The following CNNM2 variants were observed in gnomAD, a reference collection of about 807,000 sequenced individuals.
CNNM2 encodes metal transporter CNNM2.
A neutral mutation model predicts 66.9 loss-of-function variants in CNNM2; 12 were observed. That is an observed-to-expected ratio of 0.18 (90% CI 0.11 to 0.29). CNNM2 has a LOEUF of 0.29. Among genes scored for constraint, CNNM2 ranks in the 10% least tolerant of loss-of-function variants. CNNM2 has a pLI of 1.00. For missense variants in CNNM2, 705 were observed against 1,167.7 expected (o/e 0.60, Z 5.77); for synonymous variants, 557 against 501.8 (o/e 1.11, Z -1.47).
chr10:103,034,837 G>A (rs1249799066), intron 1 of CNNM2, among the ~76,000 whole-genome samples: 1 of 151,834 alleles, frequency 6.6e-6, no homozygotes, highest in African/African-American at 2.4e-5. Context: ...GCGGTGGCGG[G>A]CGCCTGTAGT....
chr10:102,922,253 A>G (rs1038270065), intron 1 of CNNM2, among the ~76,000 whole-genome samples: 2 of 152,206 alleles, frequency 1.3e-5, no homozygotes, highest in Non-Finnish European at 2.9e-5. Context: ...TTAAGCCATG[A>G]TCTTAAAAGG....
At chr10:102,989,891 G>A (rs2063865742) in intron 1 of CNNM2, among the ~76,000 whole-genome samples, 1 of 151,652 alleles carries the variant, frequency 6.6e-6, no homozygotes, top group Admixed American at 6.6e-5. Flanking sequence ...ATTAGTGATT[G>A]TACAAAAGGT....
At chr10:103,051,286 C>T (rs2065208351) in intron 2 of CNNM2, among the ~76,000 whole-genome samples, 1 of 152,022 alleles carries the variant, frequency 6.6e-6, no homozygotes, top group Non-Finnish European at 1.5e-5. Flanking sequence ...CAAAAATTAG[C>T]TGGGCGTGGT....
At chr10:102,987,603 G>C (rs34417411) in intron 1 of CNNM2, among the ~76,000 whole-genome samples, 2 of 152,048 alleles carry the variant, frequency 1.3e-5, no homozygotes, top group Non-Finnish European at 2.9e-5. Flanking sequence ...TTACAGGCTT[G>C]AGCCACTGCG....
intron 1 of CNNM2, among the ~76,000 whole-genome samples, chr10:102,976,296 A>G (rs1189751629): frequency 6.6e-6 from 1 of 152,142 alleles, no homozygotes; most frequent in Non-Finnish European, 1.5e-5. Flanking sequence ...GTAGTGCAGA[A>G]TTGAAGCCCT....
intron 1 of CNNM2, among the ~76,000 whole-genome samples, chr10:102,984,564 T>C (rs989890970): frequency 6.6e-6 from 1 of 152,202 alleles, no homozygotes; most frequent in African/African-American, 2.4e-5. Flanking sequence ...TAAAGGAATA[T>C]GTGTAAAAGG....
intron 1 of CNNM2, among the ~76,000 whole-genome samples, chr10:102,931,356 CTTTTT>C (rs66613815): frequency 1.7e-5 from 2 of 119,260 alleles, no homozygotes; most frequent in Non-Finnish European, 3.4e-5. Flanking sequence ...TTCCTTCTTT[CTTTTT>C]TTTTTTTTTT....
chr10:103,008,179 T>C (rs935348070), intron 1 of CNNM2, among the ~76,000 whole-genome samples: 2 of 152,168 alleles, frequency 1.3e-5, no homozygotes, highest in Non-Finnish European at 2.9e-5. Flanking sequence ...TGTTTGATTC[T>C]AGAGAGAAAC....
chr10:102,948,833 GA>G (rs972290749), intron 1 of CNNM2, among the ~76,000 whole-genome samples: 1 of 152,050 alleles, frequency 6.6e-6, no homozygotes, highest in Non-Finnish European at 1.5e-5. Context: ...TGATTGATTT[GA>G]AGATGCCAAA....
At chr10:103,018,413 T>C (rs2064498483) in intron 1 of CNNM2, among the ~76,000 whole-genome samples, 1 of 152,090 alleles carries the variant, frequency 6.6e-6, no homozygotes, top group Non-Finnish European at 1.5e-5. Flanking sequence ...AAGTAGGCAA[T>C]TGGATGTATA....
chr10:103,059,985 T>A (rs187488152), intron 4 of CNNM2, among the ~76,000 whole-genome samples: 134 of 152,046 alleles, frequency 8.8e-4, no homozygotes, highest in Admixed American at 2.6e-3. Flanking sequence ...AAAAATTTTT[T>A]AAAAATTAGC....
chr10:103,062,674 C>G lies in CNNM2; in HGVS notation c.2073+5710C>G, dbSNP rs1572578. Among the ~76,000 whole-genome samples, 46,660 of 152,082 alleles carry G rather than the reference C, an allele frequency of 0.31. 7,306 individuals carry two copies. Among genetic ancestry groups the G allele is most frequent in the Middle Eastern group, 0.38 (112 of 294 alleles). ...CCCAGGGCTGTGGAGGGCTGCTGCC[C>G]TGCGAGCTCCCTTGCATTCAGCACA... On this transcript the variant is annotated intron_variant, in intron 4 of 7. Transcript: ENST00000369878.
intron 4 of CNNM2, among the ~76,000 whole-genome samples, chr10:103,063,452 C>T (rs1488303028): frequency 1.3e-5 from 2 of 152,200 alleles, no homozygotes; most frequent in African/African-American, 4.8e-5. Flanking sequence ...GGGGAAGTCC[C>T]GCCTTGAGCC....
intron 1 of CNNM2, among the ~76,000 whole-genome samples, chr10:103,028,622 T>C (rs978816669): frequency 6.6e-6 from 1 of 152,096 alleles, no homozygotes; most frequent in African/African-American, 2.4e-5. Context: ...TAACAACAGT[T>C]GGTCATTCCT....
rs895852992 is a variant in CNNM2, at chr10:103,084,342, C to T, written c.*7162C>T. 2.0e-5 allele frequency: 3 copies of T among 152,218 alleles called. No individual in the cohort carries two copies. Among genetic ancestry groups the T allele is most frequent in the African/African-American group, 2.4e-5 (1 of 41,450 alleles). 9.4% of individuals were successfully genotyped at this position (152,218 alleles called of 1,614,324 possible). On this transcript the variant is annotated 3_prime_UTR_variant, in exon 8 of 8. Transcript: ENST00000369878. ...ACTGCTGACAGAATTGGCTTTCAGACACTGCCTGACCTAACTACCGCTCCC... is the reference window on the plus strand; with the variant it reads ...ACTGCTGACAGAATTGGCTTTCAGATACTGCCTGACCTAACTACCGCTCCC...
At chr10:102,990,117 T>A (rs2063873015) in intron 1 of CNNM2, among the ~76,000 whole-genome samples, 1 of 151,908 alleles carries the variant, frequency 6.6e-6, no homozygotes, top group African/African-American at 2.4e-5. Context: ...GCTAATTCTT[T>A]GTTGTTTTTT....
intron 1 of CNNM2, among the ~76,000 whole-genome samples, chr10:103,000,219 A>G (rs945803596): frequency 6.6e-6 from 1 of 151,436 alleles, no homozygotes; most frequent in East Asian, 1.9e-4. Flanking sequence ...GTGTGTGACA[A>G]GAGCGAAACT....
chr10:103,004,960 C>A (rs1010767736), intron 1 of CNNM2, among the ~76,000 whole-genome samples: 7 of 152,156 alleles, frequency 4.6e-5, no homozygotes, highest in African/African-American at 1.7e-4. Flanking sequence ...GGCTTATAGC[C>A]CTCCATTATT....
At chr10:102,956,205 G>A (rs528284708) in intron 1 of CNNM2, among the ~76,000 whole-genome samples, 5 of 150,774 alleles carry the variant, frequency 3.3e-5, no homozygotes, top group South Asian at 2.1e-4. Context: ...GGAGAATGGC[G>A]TGAACCCAGG....
Sources: allele counts gnomAD v4.1 joint callset (sites outside exome capture counted in the v4.1 genomes callset), GRCh38; gene constraint gnomAD v4.1.1; transcripts MANE v1.5; gene names NCBI Gene and HGNC (gene_info 2026-07-23, HGNC 2026-07-21).